FUS: variants seen among roughly 807,000 people sequenced by gnomAD.
The protein encoded by FUS is RNA-binding protein FUS.
In FUS, 5 loss-of-function variants were observed where a neutral mutation model predicts 82.7. The ratio of observed to expected loss-of-function variants is 0.06; its 90% CI spans 0.03 to 0.13. The LOEUF (loss-of-function observed/expected upper bound fraction) is 0.13, where lower values mean the gene tolerates loss of function less well. Among genes scored for constraint, FUS ranks in the 10% least tolerant of loss-of-function variants. FUS has a pLI of 1.00. For missense variants in FUS, 512 were observed against 707.8 expected (o/e 0.72, Z 3.14); for synonymous variants, 281 against 247.4 (o/e 1.14, Z -1.27).
Position 31,181,175 on chromosome 16 carries a change from G to A in FUS, c.13+948G>A, listed in dbSNP as rs11861879. Among the ~76,000 whole-genome samples, 353 of 152,270 alleles carry A rather than the reference G, an allele frequency of 2.3e-3. 4 individuals are homozygous for A. The highest frequency in any genetic ancestry group is 8.0e-3 in the African/African-American group (332 of 41,558). On this transcript the variant is annotated intron_variant, in intron 1 of 14. Transcript: ENST00000254108. ...GGTGATCCGCCCGCCTGGGCCTCCCGAAGTGTCGGGATTACAGACGTAAGC... is the reference window on the plus strand; with the variant it reads ...GGTGATCCGCCCGCCTGGGCCTCCCAAAGTGTCGGGATTACAGACGTAAGC...
At chr16:31,181,336 AGTTGATCTT>A (rs2144096501) in intron 1 of FUS, among the ~76,000 whole-genome samples, 1 of 152,194 alleles carries the variant, frequency 6.6e-6, no homozygotes, top group South Asian at 2.1e-4. Context: ...TGGGAGGATG[AGTTGATCTT>A]GTTCGTGTAT....
At chr16:31,186,903 A>T in intron 7 of FUS, 67 bp downstream of exon 7, 4 of 1,431,610 alleles carry the variant, frequency 2.8e-6, no homozygotes, top group Non-Finnish European at 3.0e-6. Flanking sequence ...TCATTTGCAG[A>T]TGTCTTAGCG....
At chr16:31,189,641 G>A (rs997071883) in intron 9 of FUS, 24 bp from the exon 10 acceptor site, 2 of 1,613,962 alleles carry the variant, frequency 1.2e-6, no homozygotes, top group African/African-American at 1.3e-5. Flanking sequence ...TAAAATTGAT[G>A]TTACCTCATT....
chr16:31,191,743 T>C, downstream of FUS: 1 of 636,418 alleles, frequency 1.6e-6, no homozygotes, highest in South Asian at 1.5e-5. Context: ...AATGATATCC[T>C]TGAGAGCAGA....
At position 31,191,501 on chromosome 16, in the gene FUS, T is replaced by C. The variant is rs746723164; in HGVS notation, c.*63T>C. The C allele has an allele frequency of 4.5e-6, 7 of 1,554,992 alleles. No individual in the cohort carries two copies. The highest frequency in any genetic ancestry group is 4.1e-5 in the African/African-American group (3 of 73,618). On this transcript the variant is annotated 3_prime_UTR_variant, in exon 15 of 15. Coordinates refer to ENST00000254108, the MANE Select transcript of FUS (RefSeq NM_004960.4). ...CCTGTACCCAGTGTTACCCTCGTTA[T>C]TTTGTAACCTTCCAATTCCTGATCA...
chr16:31,194,344 A>G (rs776469246), downstream of FUS: 3 of 519,182 alleles, frequency 5.8e-6, no homozygotes, highest in South Asian at 1.5e-5. Context: ...GCTGGATTGC[A>G]GTGGTGTGAT....
intron 6 of FUS, 63 bp downstream of exon 6, chr16:31,185,242 C>T: frequency 6.6e-7 from 1 of 1,522,506 alleles, no homozygotes; most frequent in Non-Finnish European, 8.9e-7. Context: ...CATGAATCTC[C>T]CTGAAGCCAG....
chr16:31,184,187 GT>G lies in FUS; in HGVS notation c.336-16del, dbSNP rs755482297. On this transcript the variant is annotated intron_variant, in intron 4 of 14. Coordinates refer to ENST00000254108, the MANE Select transcript of FUS (RefSeq NM_004960.4). ...GGGGCTATGCTGGGATTGTGATTGT[GT>G]TTTTTGTTTGTTTTCCCTAGTTACG... is the stretch of plus-strand genomic sequence containing the variant. 3.1e-6 allele frequency: 5 copies of G among 1,614,042 alleles called. No individual in the cohort carries two copies. The South Asian group carries it at 3.3e-5, about 11-fold the overall frequency.
intron 8 of FUS, chr16:31,188,581 C>T (rs890359033): frequency 1.5e-5 from 9 of 600,404 alleles, no homozygotes; most frequent in Non-Finnish European, 2.6e-5. Flanking sequence ...TCTGAGAGGA[C>T]CCTGAAAATC....
chr16:31,182,985 A>G, intron 3 of FUS: 1 of 387,280 alleles, frequency 2.6e-6, no homozygotes, highest in Non-Finnish European at 4.9e-6. Flanking sequence ...CTGGGATTAC[A>G]GGCGTCAGCC....
chr16:31,191,292 T>G (rs1326953435), intron 14 of FUS, 107 bp from the exon 15 acceptor site: 2 of 1,516,244 alleles, frequency 1.3e-6, no homozygotes, highest in Non-Finnish European at 9.1e-7. Flanking sequence ...CCACTTGAGA[T>G]AAGATACTCG....
intron 9 of FUS, 99 bp downstream of exon 9, chr16:31,189,325 A>C: frequency 1.0e-6 from 1 of 967,640 alleles, no homozygotes; most frequent in Non-Finnish European, 1.7e-6. Flanking sequence ...CAGCAGTAAA[A>C]ACAAGTCTTA....
downstream of FUS, chr16:31,191,662 G>T (rs1011053639): frequency 7.1e-6 from 5 of 700,204 alleles, no homozygotes; most frequent in African/African-American, 8.7e-5. Context: ...CGATCAGGAA[G>T]GTAGAGAGTT....
Position 31,180,165 on chromosome 16 carries a change from A to T in FUS, c.-50A>T, listed in dbSNP as rs763840268. 3.7e-6 allele frequency: 6 copies of T among 1,602,862 alleles called. No homozygotes were observed. The highest frequency in any genetic ancestry group is 1.3e-5 in the African/African-American group (1 of 74,792). On this transcript the variant is annotated 5_prime_UTR_variant, in exon 1 of 15. Coordinates refer to ENST00000254108, the MANE Select transcript of FUS (RefSeq NM_004960.4). ...CTCAGTCCTCCAGGCGTCGGTACTCAGCGGTGTTGGAACTTCGTTGCTTGC... is the reference window on the plus strand; with the variant it reads ...CTCAGTCCTCCAGGCGTCGGTACTCTGCGGTGTTGGAACTTCGTTGCTTGC...
intron 7 of FUS, 83 bp from the exon 8 acceptor site, chr16:31,188,242 T>C (rs1480658622): frequency 2.1e-6 from 3 of 1,444,922 alleles, no homozygotes; most frequent in Non-Finnish European, 2.9e-6. Flanking sequence ...TTTTTTTCCT[T>C]GTCCGTTTTT....
chr16:31,191,231 C>A, intron 14 of FUS, 121 bp downstream of exon 14: 2 of 1,489,034 alleles, frequency 1.3e-6, no homozygotes, highest in Non-Finnish European at 1.9e-6. Context: ...AGGTTGTAAC[C>A]AGTAGTGGAG....
In FUS at chr16:31,182,347, C is replaced by T. The variant is rs188099864; in HGVS notation, c.14-51C>T. On this transcript the variant is annotated intron_variant, in intron 1 of 14. Transcript: ENST00000254108. ...GTTAAGGAATTTAGCTTTAATTCAA[C>T]TCTTTCAGAGTGGCAGCTGAAGATA... is the stretch of plus-strand genomic sequence containing the variant. The T allele has an allele frequency of 5.5e-5, 89 of 1,606,442 alleles. No individual in the cohort carries two copies. The African/African-American group carries it at 1.1e-3, about 21-fold the overall frequency.
intron 7 of FUS, chr16:31,187,127 C>G (rs1160225656): frequency 3.9e-6 from 2 of 515,150 alleles, no homozygotes; most frequent in Non-Finnish European, 7.0e-6. Flanking sequence ...ACTTAGTGAC[C>G]ATCATCATGA....
downstream of FUS, chr16:31,192,921 T>A (rs1567481485): frequency 2.1e-6 from 1 of 485,052 alleles, no homozygotes; most frequent in Non-Finnish European, 4.1e-6. Context: ...TACTGAAGAG[T>A]TGCTGCATCC....
Sources: allele counts gnomAD v4.1 joint callset (sites outside exome capture counted in the v4.1 genomes callset), GRCh38; gene constraint gnomAD v4.1.1; transcripts MANE v1.5; gene names NCBI Gene and HGNC (gene_info 2026-07-23, HGNC 2026-07-21).